The following MORC2 variants were observed in gnomAD, a reference collection of about 807,000 sequenced individuals.
MORC2 encodes the protein MORC family CW-type zinc finger 2, also known as ATPase MORC2.
In MORC2, 30 loss-of-function variants were observed where a neutral mutation model predicts 136.0. The ratio of observed to expected loss-of-function variants is 0.22; its 90% CI spans 0.17 to 0.30. MORC2 has a LOEUF of 0.30. MORC2 is among the 10% of genes least tolerant of loss of function. The pLI is 1.00. For missense variants in MORC2, 922 were observed against 1,333.1 expected, an observed-to-expected ratio of 0.69 and a Z score of 4.80; for synonymous variants, 439 against 487.0, an observed-to-expected ratio of 0.90 and a Z score of 1.30.
rs1290639310 is a variant in MORC2 at position 30,967,985 on chromosome 22, G to A, written c.-96C>T. 47 of 1,092,364 alleles carry A rather than the reference G, an allele frequency of 4.3e-5. No homozygotes were observed. The highest frequency in any genetic ancestry group is 6.3e-5 in the Non-Finnish European group (46 of 733,010). 67.7% of individuals were successfully genotyped at this position (1,092,364 alleles called of 1,614,324 possible). A position where few individuals can be genotyped will look rare whatever the true frequency, so the allele number is the denominator to read the frequency against. On this transcript the variant is annotated 5_prime_UTR_variant, in exon 1 of 26. Coordinates refer to ENST00000397641, the MANE Select transcript of MORC2 (RefSeq NM_001303256.3). ...CAGGATTCTGTCCAGTAAAGCTTCA[G>A]TAAGTCTGTGCTCCTTAATGACAGT...
intron 24 of MORC2, among the ~76,000 whole-genome samples, chr22:30,931,272 T>C (rs2040572544): frequency 2.6e-5 from 4 of 152,230 alleles, no homozygotes; most frequent in Admixed American, 1.3e-4. Context: ...AATAAAGCTT[T>C]GTGGGAACAC....
chr22:30,933,960 C>T (rs1602480116), intron 20 of MORC2, 100 bp downstream of exon 20: 2 of 1,463,286 alleles, frequency 1.4e-6, no homozygotes, highest in Non-Finnish European at 1.9e-6. Flanking sequence ...GTGTAGACTG[C>T]TGGTGGATGG....
At chr22:30,945,328 G>A (rs761849378) in intron 6 of MORC2, among the ~76,000 whole-genome samples, 8 of 152,170 alleles carry the variant, frequency 5.3e-5, no homozygotes, top group Non-Finnish European at 8.8e-5. Flanking sequence ...AATGACGGAA[G>A]GCCTACCATT....
Position 30,932,425 on chromosome 22 carries a change from T to TG in MORC2, c.2774dup (p.Ser926LysfsTer16). ...GCTGCTTCTTGGAGATGGGGAAACT[T>TG]GGAGGCAGGAAGTACCGTAAACAAT... On this transcript the variant is annotated frameshift_variant, in exon 24 of 26. Transcript: ENST00000397641. LOFTEE classifies it high-confidence loss of function. The surrounding 1 kb of genome is among the most constrained non-coding windows in gnomAD (Gnocchi z 4.4). The TG allele has an allele frequency of 6.2e-7, 1 of 1,614,076 alleles. No homozygotes were observed. Among genetic ancestry groups the TG allele is most frequent in the Non-Finnish European group, 8.5e-7 (1 of 1,179,994 alleles).
In MORC2 at chr22:30,934,840, G is replaced by A. The variant is rs1401272017; in HGVS notation, c.2134C>T (p.Pro712Ser). ...NSKSPREVPS[P>S]KVIKTPVVKK... ...ACCACTGGAGTCTTGATGACTTTGG[G>A]AGAAGGAACCTCCCGAGGGCTCTTG... The change falls in exon 19 of 26, where the codon CCC becomes TCC. Residue 712 changes from proline to serine, a missense_variant. Transcript: ENST00000397641. This position sits in a 1 kb window ranked among gnomAD's most constrained non-coding sequence, Gnocchi z 4.4. 2.5e-6 allele frequency: 4 copies of A among 1,614,184 alleles called. No individual in the cohort carries two copies. The Admixed American group carries it at 5.0e-5, about 20-fold the overall frequency.
rs557656482 is a variant in MORC2, at chr22:30,934,689, G to A, written c.2193+92C>T. 6.2e-5 allele frequency: 93 copies of A among 1,507,208 alleles called. No individual in the cohort carries two copies. The highest frequency in any genetic ancestry group is 2.9e-4 in the South Asian group (23 of 78,986). The allele number at this position is 1,507,208 out of a possible 1,614,324, so 93.4% of individuals were successfully genotyped here. On this transcript the variant is annotated intron_variant, in intron 19 of 25. Transcript: ENST00000397641. The surrounding 1 kb of genome is among the most constrained non-coding windows in gnomAD (Gnocchi z 4.4). ...CAAAGCTTTAGATTCAGTATCTTCC[G>A]AAGGCTCCCCCAGTACAGCTGTGAC... is the stretch of plus-strand genomic sequence containing the variant.
chr22:30,956,693 A>G (rs2040972335), intron 3 of MORC2, 70 bp downstream of exon 3: 4 of 1,253,660 alleles, frequency 3.2e-6, no homozygotes, highest in East Asian at 2.6e-5. Flanking sequence ...TTCCCACTCA[A>G]TTCTTCTTAG....
At chr22:30,930,446 C>T (rs1050636089) in intron 24 of MORC2, among the ~76,000 whole-genome samples, 1 of 152,208 alleles carries the variant, frequency 6.6e-6, no homozygotes, top group African/African-American at 2.4e-5. Flanking sequence ...CCGAGCACCA[C>T]TCCCTCATAT....
At position 30,968,000 on chromosome 22, in the gene MORC2, T is replaced by C; in HGVS notation, c.-111A>G. 1 of 926,960 alleles carries C rather than the reference T, an allele frequency of 1.1e-6. No individual in the cohort carries two copies. The highest frequency in any genetic ancestry group is 1.5e-5 in the South Asian group (1 of 67,342). 57.4% of individuals were successfully genotyped at this position (926,960 alleles called of 1,614,324 possible). A position where few individuals can be genotyped will look rare whatever the true frequency, so the allele number is the denominator to read the frequency against. On this transcript the variant is annotated 5_prime_UTR_variant, in exon 1 of 26. Coordinates refer to ENST00000397641, the MANE Select transcript of MORC2 (RefSeq NM_001303256.3). ...TAAAGCTTCAGTAAGTCTGTGCTCCTTAATGACAGTTAAAGTAACCTAGTA... is the reference window on the plus strand; with the variant it reads ...TAAAGCTTCAGTAAGTCTGTGCTCCCTAATGACAGTTAAAGTAACCTAGTA...
intron 5 of MORC2, among the ~76,000 whole-genome samples, chr22:30,946,744 C>T (rs1422182783): frequency 6.6e-6 from 1 of 152,124 alleles, no homozygotes; most frequent in Non-Finnish European, 1.5e-5. Flanking sequence ...CACGGCAGAC[C>T]ACCAGCCCCA....
Position 30,950,514 on chromosome 22 carries a change from A to T in MORC2, c.158-69T>A, listed in dbSNP as rs1006728816. 27 of 1,444,696 alleles carry T rather than the reference A, an allele frequency of 1.9e-5. No individual in the cohort carries two copies. In the South Asian group the frequency reaches 2.6e-4, roughly 14 times the overall value. The allele number at this position is 1,444,696 out of a possible 1,614,324, so 89.5% of individuals were successfully genotyped here. ...AGGGTGGCAACATGCCTATGATCAGAAGGCAGATCAATGTGAAGCTTGGTC... is the reference window on the plus strand; with the variant it reads ...AGGGTGGCAACATGCCTATGATCAGTAGGCAGATCAATGTGAAGCTTGGTC... On this transcript the variant is annotated intron_variant, in intron 3 of 25. Coordinates refer to ENST00000397641, the MANE Select transcript of MORC2 (RefSeq NM_001303256.3).
Position 30,932,598 on chromosome 22 carries a change from GGT to G in MORC2, c.2692_2693del (p.Thr898HisfsTer43). ...TSECLRIEPD[T>X]TALSTNHETI... ...TCTCGTGATTGGTGCTCAGGGCAGT[GGT>G]GTCAGGCTCAATGCGGAGGCATTCG... is the stretch of plus-strand genomic sequence containing the variant. On this transcript the variant is annotated frameshift_variant, in exon 23 of 26. Coordinates refer to ENST00000397641, the MANE Select transcript of MORC2 (RefSeq NM_001303256.3). LOFTEE classifies it high-confidence loss of function. This position sits in a 1 kb window ranked among gnomAD's most constrained non-coding sequence, Gnocchi z 4.4. The G allele has an allele frequency of 6.2e-7, 1 of 1,614,188 alleles. No individual in the cohort carries two copies. Among genetic ancestry groups the G allele is most frequent in the South Asian group, 1.1e-5 (1 of 91,090 alleles).
intron 10 of MORC2, 90 bp from the exon 11 acceptor site, chr22:30,940,131 T>G (rs944430378): frequency 3.9e-6 from 5 of 1,279,686 alleles, no homozygotes; most frequent in Non-Finnish European, 5.5e-6. Context: ...ACACGAAGTG[T>G]GTACACCACC....
intron 3 of MORC2, among the ~76,000 whole-genome samples, chr22:30,953,154 T>C (rs886749438): frequency 2.0e-5 from 3 of 152,174 alleles, no homozygotes; most frequent in South Asian, 2.1e-4. Flanking sequence ...ACCATAGAGA[T>C]AGATTCCTAT....
At chr22:30,959,347 C>T (rs776721059) in intron 1 of MORC2, among the ~76,000 whole-genome samples, 7 of 152,086 alleles carry the variant, frequency 4.6e-5, no homozygotes, top group African/African-American at 1.7e-4. Flanking sequence ...AAAAGGTCTT[C>T]GATTACTTTC....
chr22:30,951,242 G>C (rs536803607), intron 3 of MORC2, among the ~76,000 whole-genome samples: 1 of 152,330 alleles, frequency 6.6e-6, no homozygotes, highest in East Asian at 1.9e-4. Flanking sequence ...TGCCATTCTA[G>C]TGAAAAGAAC....
chr22:30,946,040 T>C (rs757936032), intron 6 of MORC2, among the ~76,000 whole-genome samples: 1 of 152,172 alleles, frequency 6.6e-6, no homozygotes, highest in Non-Finnish European at 1.5e-5. Flanking sequence ...CAAAATGGAA[T>C]TCAAGTGGCA....
intron 1 of MORC2, chr22:30,967,436 A>T (rs1373336007): frequency 6.0e-6 from 6 of 993,572 alleles, no homozygotes; most frequent in Admixed American, 6.0e-5. Flanking sequence ...CTTGTTATAA[A>T]CCTAACTGTT....
intron 3 of MORC2, 55 bp downstream of exon 3, chr22:30,956,708 A>G (rs887517300): frequency 1.1e-5 from 15 of 1,321,846 alleles, no homozygotes; most frequent in Admixed American, 9.0e-5. Flanking sequence ...TCTTAGGCAC[A>G]GTAATAAATG....
Sources: gnomAD v4.1 joint callset for allele counts (sites outside exome capture counted in the v4.1 genomes callset) on GRCh38, gnomAD v4.1.1 for gene constraint, Gnocchi (gnomAD v3.1) non-coding constraint, MANE v1.5 for transcripts, NCBI Gene and HGNC (gene_info 2026-07-23, HGNC 2026-07-21) for gene names.